C3: variants seen among roughly 807,000 people sequenced by gnomAD.
C3 encodes the protein complement C3, also known as C3 and PZP-like alpha-2-macroglobulin domain-containing protein 1.
Under a neutral mutation model 207.9 loss-of-function variants are expected in C3, and 97 were observed. The ratio of observed to expected loss-of-function variants is 0.47; its 90% confidence interval spans 0.40 to 0.55. The LOEUF (loss-of-function observed/expected upper bound fraction) is 0.55. Among genes scored for constraint, C3 ranks in the 20% least tolerant of loss-of-function variants. The probability of loss-of-function intolerance (pLI) is 0.00; values close to 1 mark genes in which losing one functional copy is unlikely to be tolerated. For missense variants in C3, 1,684 were observed against 2,171.7 expected, an observed-to-expected ratio of 0.78 and a Z score of 4.46; for synonymous variants, 848 against 857.6, an observed-to-expected ratio of 0.99 and a Z score of 0.20.
intron 26 of C3, among the ~76,000 whole-genome samples, chr19:6,692,577 A>G (rs1918194606): frequency 6.6e-6 from 1 of 152,038 alleles, no homozygotes; most frequent in South Asian, 2.1e-4. Flanking sequence ...GGATGGAGAG[A>G]AGGAGGTGAT....
rs1255686622 is a variant in C3, at chr19:6,712,643, G to T, written c.1004-20C>A. ...CACTGCCTGAGGGGACCAGCTGTGA[G>T]TGTAGGCTTCTGGGCCACCCCTCAG... On this transcript the variant is annotated intron_variant, in intron 9 of 40. Coordinates refer to ENST00000245907, the MANE Select transcript of C3 (RefSeq NM_000064.4). The T allele has an allele frequency of 2.5e-6, 4 of 1,601,930 alleles. No homozygotes were observed. The highest frequency in any genetic ancestry group is 2.2e-5 in the East Asian group (1 of 44,826).
chr19:6,710,615 C>T (rs780516275), intron 13 of C3, 24 bp downstream of exon 13: 34 of 1,593,252 alleles, frequency 2.1e-5, no homozygotes, highest in Admixed American at 1.4e-4. Flanking sequence ...GGAGAGGGGG[C>T]GAGCGAGCCC....
chr19:6,681,827 C>T, intron 35 of C3, 114 bp downstream of exon 35: 3 of 834,484 alleles, frequency 3.6e-6, no homozygotes, highest in Non-Finnish European at 6.3e-6. Flanking sequence ...CCTGTCTCCT[C>T]TGGCCCAGGG....
chr19:6,700,533 A>C (rs1967638288), intron 19 of C3, among the ~76,000 whole-genome samples: 1 of 41,558 alleles, frequency 2.4e-5, no homozygotes, highest in Non-Finnish European at 3.7e-5. Context: ...GTAATATGAT[A>C]TATTATATAT....
At position 6,711,098 on chromosome 19, in the gene C3, C is replaced by T; in HGVS notation, c.1368G>A (p.Leu456=). ...YSTVGNSNNY[L]HLSVLRTELR... The stretch of plus-strand genomic sequence containing the variant: ...GCTCTGTACGTAGCACTGAGAGATG[C>T]AGGTAATTGTTGGAGTTGCCCACGG... Residue 456 remains leucine (L), a synonymous_variant, in exon 12 of 41, where the codon CTG becomes CTA. Transcript: ENST00000245907. 2 of 1,614,070 alleles carry T rather than the reference C, an allele frequency of 1.2e-6. No homozygotes were observed. The highest frequency in any genetic ancestry group is 1.7e-6 in the Non-Finnish European group (2 of 1,180,002).
At chr19:6,707,339 G>C (rs1019958166) in intron 16 of C3, 66 bp from the exon 17 acceptor site, 1 of 1,601,206 alleles carries the variant, frequency 6.2e-7, no homozygotes, top group Non-Finnish European at 8.5e-7. Flanking sequence ...AGGGACGCGG[G>C]ACGGACCCCA....
At position 6,707,045 on chromosome 19, in the gene C3, C is replaced by T. The variant is rs372164700; in HGVS notation, c.2245+31G>A. 4.7e-5 allele frequency: 75 copies of T among 1,583,686 alleles called. No homozygotes were observed. In the African/African-American group the frequency reaches 8.7e-4, roughly 18 times the overall value. Reference sequence around the variant, plus strand: ...AGTCTCCTCCCCCATCAGACGGCCCCCTCCCCCTGTCCCCACCCCGTGGGA... The same window carrying T: ...AGTCTCCTCCCCCATCAGACGGCCCTCTCCCCCTGTCCCCACCCCGTGGGA... On this transcript the variant is annotated intron_variant, in intron 17 of 40. Transcript: ENST00000245907.
rs773003029 is a variant in C3, at chr19:6,710,989, G to C, written c.1477C>G (p.Leu493Val). The C allele has an allele frequency of 2.5e-6, 4 of 1,614,024 alleles. No individual in the cohort carries two copies. The highest frequency in any genetic ancestry group is 3.4e-6 in the Non-Finnish European group (4 of 1,179,910). Reference sequence around the variant, plus strand: ...GAGGTTTCCAGGTGGCCACGGACCAGGTAGGTGTAGTAGCGGATCTTGGCC... The same window carrying C: ...GAGGTTTCCAGGTGGCCACGGACCACGTAGGTGTAGTAGCGGATCTTGGCC... ...HEAKIRYYTYLIMNKGRLLKA... is the reference protein window; with the variant it reads ...HEAKIRYYTYVIMNKGRLLKA... Residue 493 changes from leucine to valine, a missense_variant and splice_region_variant, in exon 12 of 41, where the codon CTG becomes GTG. This residue lies in a region of C3 where 1,280 missense variants were observed against 1,739.1 expected (regional missense o/e 0.74). Coordinates refer to ENST00000245907, the MANE Select transcript of C3 (RefSeq NM_000064.4).
At position 6,720,639 on chromosome 19, in the gene C3, A is replaced by T. The variant is rs770685637; in HGVS notation, c.-50T>A. On this transcript the variant is annotated 5_prime_UTR_variant, in exon 1 of 41. Transcript: ENST00000245907. ...AGGGACAGAGGGACAGAGGGAGAGG[A>T]TGGGGAGGAGTGAGCAGCGCCTGCT... 7.0e-7 allele frequency: 1 copy of T among 1,436,274 alleles called. No individual in the cohort carries two copies. Among genetic ancestry groups the T allele is most frequent in the Admixed American group, 2.0e-5 (1 of 50,594 alleles). 89.0% of individuals were successfully genotyped at this position (1,436,274 alleles called of 1,614,324 possible).
intron 19 of C3, among the ~76,000 whole-genome samples, chr19:6,699,911 T>C (rs1967607987): frequency 6.6e-6 from 1 of 150,422 alleles, no homozygotes; most frequent in South Asian, 2.1e-4. Flanking sequence ...TAAGTTATGA[T>C]ATGGTATAAT....
At position 6,719,211 on chromosome 19, in the gene C3, C is replaced by T. The variant is rs1195068889; in HGVS notation, c.267G>A (p.Thr89=). Residue 89 remains threonine (T), a splice_region_variant and synonymous_variant, in exon 2 of 41, where the codon ACG becomes ACA. Transcript: ENST00000245907. This position sits in a 1 kb window ranked among gnomAD's most constrained non-coding sequence, Gnocchi z 5.4. ...GGGTCCTGCGCCAGTCTGCACTCAC[C>T]GTGAAGGTGACGTTGCCCATGTGGT... ...ATNHMGNVTF[T]IPANREFKSE... 2 of 1,613,748 alleles carry T rather than the reference C, an allele frequency of 1.2e-6. No individual in the cohort carries two copies. The highest frequency in any genetic ancestry group is 8.5e-7 in the Non-Finnish European group (1 of 1,179,812).
chr19:6,712,342 T>C lies in C3; in HGVS notation c.1184A>G (p.Asp395Gly), dbSNP rs1568225935. ...YRVPVAVQGEDTVQSLTQGDG... is the reference protein window; with the variant it reads ...YRVPVAVQGEGTVQSLTQGDG... ...TCCCTGGGTTAGAGACTGCACAGTG[T>C]CCTCGCCCTGGACTGCCACGGGGAC... Residue 395 changes from aspartate (D) to glycine (G), a missense_variant, in exon 11 of 41, where the codon GAC (aspartate) becomes GGC (glycine). Asp to Gly is a moderately conservative substitution (Grantham distance 94). This residue lies in a region of C3 where 1,280 missense variants were observed against 1,739.1 expected (regional missense o/e 0.74). Transcript: ENST00000245907. The C allele has an allele frequency of 6.2e-7, 1 of 1,614,058 alleles. No individual in the cohort carries two copies. The highest frequency in any genetic ancestry group is 8.5e-7 in the Non-Finnish European group (1 of 1,179,992).
intron 8 of C3, 31 bp downstream of exon 8, chr19:6,713,376 C>G: frequency 6.2e-7 from 1 of 1,613,868 alleles, no homozygotes; most frequent in Non-Finnish European, 8.5e-7. Flanking sequence ...GGGACTGGGG[C>G]AGGGATCAAA....
intron 2 of C3, among the ~76,000 whole-genome samples, chr19:6,718,813 G>T (rs1968100088): frequency 6.6e-6 from 1 of 150,626 alleles, no homozygotes; most frequent in South Asian, 2.1e-4. Flanking sequence ...TCAGTGGGAG[G>T]GACTTAGAGG....
chr19:6,692,220 G>A (rs951066476), intron 26 of C3, among the ~76,000 whole-genome samples: 3 of 152,044 alleles, frequency 2.0e-5, no homozygotes, highest in African/African-American at 7.2e-5. Context: ...CTCCTGCCTC[G>A]GCCTCCCAAA....
chr19:6,703,475 C>T (rs995358171), intron 17 of C3, among the ~76,000 whole-genome samples: 8 of 152,194 alleles, frequency 5.3e-5, no homozygotes, highest in African/African-American at 1.4e-4. Context: ...GGCTTGGCAG[C>T]GGGCACCTGT....
At position 6,720,503 on chromosome 19, in the gene C3, C is replaced by A; in HGVS notation, c.74+13G>T. The A allele has an allele frequency of 6.3e-7, 1 of 1,577,484 alleles. No homozygotes were observed. Among genetic ancestry groups the A allele is most frequent in the South Asian group, 1.2e-5 (1 of 86,338 alleles). On this transcript the variant is annotated intron_variant, in intron 1 of 40. Coordinates refer to ENST00000245907, the MANE Select transcript of C3 (RefSeq NM_000064.4). ...AACCAGCCCTGTTTGTGGGTAGAGT[C>A]ATAACCACTCACATGGGACTCCCCA...
At position 6,710,755 on chromosome 19, in the gene C3, C is replaced by T. The variant is rs1475912588; in HGVS notation, c.1570G>A (p.Asp524Asn). ...ACCAGGCGGAAGGAAGGGATGAAGT[C>T]GGTGGTGATGGACAGGGGCAGCACC... ...LVVLPLSITTDFIPSFRLVAY... is the reference protein window; with the variant it reads ...LVVLPLSITTNFIPSFRLVAY... Residue 524 changes from aspartate to asparagine, a missense_variant, in exon 13 of 41, where the codon GAC (aspartate) becomes AAC (asparagine). Asp to Asn is a conservative substitution (Grantham distance 23). Around this residue, in one of 3 missense-constraint regions of C3, gnomAD observed 1,280 missense variants for 1,739.1 expected, o/e 0.74. Coordinates refer to ENST00000245907, the MANE Select transcript of C3 (RefSeq NM_000064.4). 3.1e-6 allele frequency: 5 copies of T among 1,613,744 alleles called. No individual in the cohort carries two copies. Among genetic ancestry groups the T allele is most frequent in the African/African-American group, 1.3e-5 (1 of 74,944 alleles).
Position 6,693,508 on chromosome 19 carries a change from C to T in C3, c.3155-21G>A, listed in dbSNP as rs774699193. 5 of 1,606,222 alleles carry T rather than the reference C, an allele frequency of 3.1e-6. No homozygotes were observed. The South Asian group carries it at 3.3e-5, about 11-fold the overall frequency. On this transcript the variant is annotated intron_variant, in intron 24 of 40. Transcript: ENST00000245907. ...GTACCCTGCAGAGAAGAGAGAGGAACCCCCAAAAGAGCCGGGGCTGAGCAG... is the reference window on the plus strand; with the variant it reads ...GTACCCTGCAGAGAAGAGAGAGGAATCCCCAAAAGAGCCGGGGCTGAGCAG...
Sources: gnomAD v4.1 joint callset for allele counts (sites outside exome capture counted in the v4.1 genomes callset) on GRCh38, gnomAD v4.1.1 for gene constraint, gnomAD v4.1.1 regional missense constraint, Gnocchi (gnomAD v3.1) non-coding constraint, MANE v1.5 for transcripts, NCBI Gene and HGNC (gene_info 2026-07-23, HGNC 2026-07-21) for gene names.